CMSS1: variants seen among roughly 807,000 people sequenced by gnomAD.
The protein encoded by CMSS1 is protein CMSS1.
Under a neutral mutation model 43.5 loss-of-function variants are expected in CMSS1, and 33 were observed. The ratio of observed to expected loss-of-function variants is 0.76; its 90% CI spans 0.57 to 1.01. The LOEUF (loss-of-function observed/expected upper bound fraction) is 1.01, where lower values mean the gene tolerates loss of function less well. Among genes scored for constraint, CMSS1 ranks in the 50% least tolerant of loss-of-function variants. The pLI, the probability that CMSS1 is intolerant of heterozygous loss-of-function variation, is 0.00. For synonymous variants in CMSS1, 115 were observed against 117.2 expected, an observed-to-expected ratio of 0.98 and a Z score of 0.12; for missense variants, 313 against 326.4, an observed-to-expected ratio of 0.96 and a Z score of 0.32.
intron 2 of CMSS1, among the ~76,000 whole-genome samples, chr3:100,157,329 T>C (rs2066984581): frequency 6.6e-6 from 1 of 152,192 alleles, no homozygotes; most frequent in Non-Finnish European, 1.5e-5. Context: ...AGGATATGAA[T>C]TGTCATTATT....
intron 1 of CMSS1, among the ~76,000 whole-genome samples, chr3:100,102,385 A>G (rs1034779494): frequency 6.6e-6 from 1 of 152,208 alleles, no homozygotes; most frequent in Non-Finnish European, 1.5e-5. Context: ...ATAACTAAAT[A>G]TCCTTGGAAA....
At position 99,956,921 on chromosome 3, in the gene CMSS1, G is replaced by T. The variant is rs140422498; in HGVS notation, c.64+138878G>T. Among the ~76,000 whole-genome samples, 1,028 of 152,064 alleles carry T rather than the reference G, an allele frequency of 6.8e-3. 3 individuals are homozygous for T. The highest frequency in any genetic ancestry group is 8.6e-3 in the African/African-American group (356 of 41,470). ...AGTCCAGCTTCTGCCCTCACCAATG[G>T]CTTCCTAATTTCCAAATCCAGGAAC... On this transcript the variant is annotated intron_variant, in intron 1 of 9. Coordinates refer to ENST00000421999, the MANE Select transcript of CMSS1 (RefSeq NM_032359.4).
At chr3:99,871,277 G>A (rs538823193) in intron 1 of CMSS1, among the ~76,000 whole-genome samples, 1 of 152,204 alleles carries the variant, frequency 6.6e-6, no homozygotes, top group East Asian at 1.9e-4. Flanking sequence ...CTAGAAGAAG[G>A]GGCCCTCCAC....
intron 1 of CMSS1, among the ~76,000 whole-genome samples, chr3:100,077,927 A>G (rs1396683393): frequency 6.6e-6 from 1 of 152,286 alleles, no homozygotes; most frequent in East Asian, 1.9e-4. Context: ...AAGAATAATA[A>G]GGAATTATTA....
intron 1 of CMSS1, among the ~76,000 whole-genome samples, chr3:100,138,584 A>G (rs1215691367): frequency 3.3e-5 from 5 of 152,246 alleles, no homozygotes; most frequent in Non-Finnish European, 2.9e-5. Flanking sequence ...AGACATATGA[A>G]AAAAAGCTCA....
chr3:99,869,105 T>C (rs948930442), intron 1 of CMSS1, among the ~76,000 whole-genome samples: 1 of 152,180 alleles, frequency 6.6e-6, no homozygotes, highest in Non-Finnish European at 1.5e-5. Flanking sequence ...GACTTGTTAT[T>C]AGAATGGAAG....
rs1441079901 is a variant in CMSS1, at chr3:99,826,073, G to A, written c.64+8030G>A. Among the ~76,000 whole-genome samples, 3 of 152,026 alleles carry A rather than the reference G, an allele frequency of 2.0e-5. No individual in the cohort carries two copies. In the East Asian group the frequency reaches 5.8e-4, roughly 29 times the overall value. ...TTTACAGGTGTGAGCCACGGAGCCCGGCCCAGCACAAGTCTTTTATCTGTT... is the reference window on the plus strand; with the variant it reads ...TTTACAGGTGTGAGCCACGGAGCCCAGCCCAGCACAAGTCTTTTATCTGTT... On this transcript the variant is annotated intron_variant, in intron 1 of 9. Transcript: ENST00000421999.
intron 1 of CMSS1, among the ~76,000 whole-genome samples, chr3:100,014,891 CTTTCTTTTTTTT>C (rs1353392541): frequency 1.1e-4 from 3 of 27,228 alleles, no homozygotes; most frequent in Admixed American, 4.7e-4. Flanking sequence ...TTTTTTCTTT[CTTTCTTTTTTTT>C]TTTTTTTTTT....
intron 1 of CMSS1, chr3:99,924,258 T>C: frequency 1.9e-6 from 3 of 1,614,058 alleles, no homozygotes; most frequent in Non-Finnish European, 1.7e-6. Context: ...AGTAGGCATA[T>C]GAATTCATCA....
At chr3:99,884,473 A>C (rs1333353072) in intron 1 of CMSS1, among the ~76,000 whole-genome samples, 1 of 152,204 alleles carries the variant, frequency 6.6e-6, no homozygotes, top group Non-Finnish European at 1.5e-5. Flanking sequence ...AAGAAGTTCC[A>C]GGGAGTGGAA....
chr3:100,055,690 T>C (rs1307150902), intron 1 of CMSS1, among the ~76,000 whole-genome samples: 1 of 152,214 alleles, frequency 6.6e-6, no homozygotes, highest in Non-Finnish European at 1.5e-5. Flanking sequence ...TTCCCTGTTC[T>C]TTAGTAGTCA....
At chr3:100,033,615 A>T (rs907569718) in intron 1 of CMSS1, among the ~76,000 whole-genome samples, 1 of 152,222 alleles carries the variant, frequency 6.6e-6, no homozygotes, top group Admixed American at 6.5e-5. Context: ...AAGTAGCCTG[A>T]AAAGCAGATA....
chr3:99,834,348 G>A (rs1020999393), intron 1 of CMSS1, among the ~76,000 whole-genome samples: 2 of 152,194 alleles, frequency 1.3e-5, no homozygotes, highest in African/African-American at 4.8e-5. Context: ...CTGATGCAAA[G>A]GTTAGAGTAA....
At chr3:100,030,289 A>G (rs1258097323) in intron 1 of CMSS1, among the ~76,000 whole-genome samples, 17 of 152,066 alleles carry the variant, frequency 1.1e-4, no homozygotes, top group Admixed American at 1.1e-3. Flanking sequence ...TGAGAAAGGG[A>G]TCTATGCCAC....
chr3:99,979,393 G>A (rs1201806010), intron 1 of CMSS1, among the ~76,000 whole-genome samples: 1 of 152,184 alleles, frequency 6.6e-6, no homozygotes, highest in East Asian at 1.9e-4. Context: ...TATCACAGTA[G>A]AATGATTCTA....
At chr3:100,164,716 T>C (rs567074428) in intron 4 of CMSS1, among the ~76,000 whole-genome samples, 13 of 152,124 alleles carry the variant, frequency 8.5e-5, no homozygotes, top group South Asian at 2.1e-4. Flanking sequence ...GGGAAGGAGA[T>C]ACAGTGGGTT....
In CMSS1 at chr3:99,817,869, AGCGGGAGCTCC is replaced by A. The variant is rs1942351205; in HGVS notation, c.-107_-97del. On this transcript the variant is annotated 5_prime_UTR_variant, in exon 1 of 10. Coordinates refer to ENST00000421999, the MANE Select transcript of CMSS1 (RefSeq NM_032359.4). ...CCGCGGGGCGGAGGCGACAGTGTCT[AGCGGGAGCTCC>A]GCGTGTAGCTACGCCGGCCGCCTGG... The A allele has an allele frequency of 8.9e-7, 1 of 1,119,700 alleles. No homozygotes were observed. The highest frequency in any genetic ancestry group is 1.9e-5 in the Admixed American group (1 of 51,936). The allele number at this position is 1,119,700 out of a possible 1,614,324, so 69.4% of individuals were successfully genotyped here.
intron 1 of CMSS1, among the ~76,000 whole-genome samples, chr3:99,832,167 TA>T (rs1368559438): frequency 6.6e-6 from 1 of 152,176 alleles, no homozygotes; most frequent in Non-Finnish European, 1.5e-5. Context: ...ACGTAGTTTT[TA>T]CCTCTAGATG....
intron 1 of CMSS1, among the ~76,000 whole-genome samples, chr3:99,944,439 A>T (rs893821590): frequency 3.9e-5 from 6 of 152,202 alleles, no homozygotes; most frequent in African/African-American, 1.4e-4. Flanking sequence ...TCTCTCCACC[A>T]AGCAAGACTT....
Sources: gnomAD v4.1 joint callset for allele counts (sites outside exome capture counted in the v4.1 genomes callset) on GRCh38, gnomAD v4.1.1 for gene constraint, MANE v1.5 for transcripts, NCBI Gene and HGNC (gene_info 2026-07-23, HGNC 2026-07-21) for gene names.